Variants in ARAP3 observed in about 807,000 individuals in gnomAD.
ARAP3 encodes the protein arf-GAP with Rho-GAP domain, ANK repeat and PH domain-containing protein 3.
In ARAP3, 82 loss-of-function variants were observed where a neutral mutation model predicts 169.2. The observed-to-expected ratio is 0.48, with a 90% confidence interval of 0.41 to 0.58. ARAP3 has a LOEUF of 0.58. ARAP3 is among the 20% of genes least tolerant of loss of function. The pLI, the probability that ARAP3 is intolerant of heterozygous loss-of-function variation, is 0.00. For missense variants in ARAP3, 1,764 were observed against 2,018.0 expected (o/e 0.87, Z 2.41); for synonymous variants, 791 against 800.3 (o/e 0.99, Z 0.20).
chr5:141,680,857 G>A, intron 1 of ARAP3: 1 of 260,476 alleles, frequency 3.8e-6, no homozygotes, highest in Non-Finnish European at 7.4e-6. Flanking sequence ...CATGGGACAA[G>A]ATGCTAGAAT....
At chr5:141,660,103 T>A (rs2099909729) in intron 21 of ARAP3, among the ~76,000 whole-genome samples, 177 bp from the exon 22 acceptor site, 1 of 152,110 alleles carries the variant, frequency 6.6e-6, no homozygotes, top group Non-Finnish European at 1.5e-5. Context: ...ACTTTTTATG[T>A]AAAGGGACAG....
chr5:141,664,883 C>T, intron 19 of ARAP3, 39 bp downstream of exon 19: 2 of 462,096 alleles, frequency 4.3e-6, no homozygotes, highest in Non-Finnish European at 8.2e-6. Flanking sequence ...CCCCCACCCC[C>T]CACCCCCATT....
chr5:141,674,174 G>A (rs1461018555), intron 4 of ARAP3, among the ~76,000 whole-genome samples: 1 of 152,022 alleles, frequency 6.6e-6, no homozygotes, highest in Non-Finnish European at 1.5e-5. Flanking sequence ...TGTTGGTCAG[G>A]CTGGTCTCGA....
At position 141,672,378 on chromosome 5, in the gene ARAP3, C is replaced by T; in HGVS notation, c.1386-77G>A. ...TCCCCCTGGCTCTTCCTGCAGGAGC[C>T]ACCACAGGCCACACCTGGGGCAGCC... On this transcript the variant is annotated intron_variant, in intron 9 of 32. Transcript: ENST00000239440. The surrounding 1 kb of genome is among the most constrained non-coding windows in gnomAD (Gnocchi z 4.9). 2 of 1,576,678 alleles carry T rather than the reference C, an allele frequency of 1.3e-6. No individual in the cohort carries two copies. The highest frequency in any genetic ancestry group is 2.3e-5 in the East Asian group (1 of 44,146).
chr5:141,680,134 G>A lies in ARAP3; in HGVS notation c.353C>T (p.Pro118Leu), dbSNP rs2099912771. 1 of 1,611,056 alleles carries A rather than the reference G, an allele frequency of 6.2e-7. No homozygotes were observed. The highest frequency in any genetic ancestry group is 1.3e-5 in the African/African-American group (1 of 74,834). The change falls in exon 2 of 33, where the codon CCA becomes CTA. Residue 118 changes from proline to leucine, a missense_variant. Physicochemically the swap from Pro to Leu is moderately conservative, Grantham distance 98. This residue lies in a region of ARAP3 where 630 missense variants were observed against 678.7 expected (regional missense o/e 0.93). Transcript: ENST00000239440. Reference protein sequence around the residue: ...PATTQRPGLSPALGGPGVSRS... With the variant: ...PATTQRPGLSLALGGPGVSRS... ...GGACACTCCTGGTCCCCCGAGGGCT[G>A]GGCTCAGCCCAGGTCTCTGAGTGGT...
At chr5:141,678,033 C>T (rs746837823) in intron 4 of ARAP3, among the ~76,000 whole-genome samples, 8 of 151,886 alleles carry the variant, frequency 5.3e-5, no homozygotes, top group Admixed American at 1.3e-4. Context: ...CTGCAAGCTC[C>T]GCCTCCCGGG....
chr5:141,663,066 T>A (rs533825417), intron 19 of ARAP3, among the ~76,000 whole-genome samples: 1 of 152,314 alleles, frequency 6.6e-6, no homozygotes, highest in East Asian at 1.9e-4. Context: ...ACTAATTAAA[T>A]GTTTGCAGTG....
chr5:141,661,043 T>C (rs987802565), intron 21 of ARAP3, among the ~76,000 whole-genome samples: 16 of 151,122 alleles, frequency 1.1e-4, no homozygotes. Flanking sequence ...CTTTTTGTTC[T>C]TTTTTTTTCC....
intron 20 of ARAP3, 83 bp downstream of exon 20, chr5:141,661,960 C>T (rs1294559295): frequency 1.6e-5 from 25 of 1,569,676 alleles, no homozygotes; most frequent in African/African-American, 4.1e-5. Flanking sequence ...AGTGATGGGG[C>T]GGAGGGCTGC....
chr5:141,680,455 A>G lies in ARAP3; in HGVS notation c.32T>C (p.Val11Ala), dbSNP rs150958174. The change falls in exon 2 of 33, where the codon GTG becomes GCG. Residue 11 changes from valine to alanine, a missense_variant. Physicochemically the swap from Val to Ala is moderately conservative, Grantham distance 64 (BLOSUM62 0). This residue lies in a region of ARAP3 where 630 missense variants were observed against 678.7 expected (regional missense o/e 0.93). Coordinates refer to ENST00000239440, the MANE Select transcript of ARAP3 (RefSeq NM_022481.6). ...CTCCAGGTGCACCGTGGCCAGCCACACAGCGATGTCCAGGTCCTGAGGGGC... is the reference window on the plus strand; with the variant it reads ...CTCCAGGTGCACCGTGGCCAGCCACGCAGCGATGTCCAGGTCCTGAGGGGC... MAAPQDLDIAVWLATVHLEQY... is the reference protein window; with the variant it reads MAAPQDLDIAAWLATVHLEQY... 13 of 1,607,284 alleles carry G rather than the reference A, an allele frequency of 8.1e-6. No individual in the cohort carries two copies. The highest frequency in any genetic ancestry group is 1.6e-4 in the Middle Eastern group (1 of 6,078).
intron 29 of ARAP3, 38 bp from the exon 30 acceptor site, chr5:141,655,970 G>T (rs1275981738): frequency 6.2e-7 from 1 of 1,613,806 alleles, no homozygotes; most frequent in Non-Finnish European, 8.5e-7. Flanking sequence ...GAGAGAGAGG[G>T]TCACAGCTAT....
Position 141,679,821 on chromosome 5 carries a change from C to T in ARAP3, c.526G>A (p.Ala176Thr), listed in dbSNP as rs1291272316. 2 of 1,612,020 alleles carry T rather than the reference C, an allele frequency of 1.2e-6. No individual in the cohort carries two copies. Among genetic ancestry groups the T allele is most frequent in the South Asian group, 2.2e-5 (2 of 90,956 alleles). Residue 176 changes from alanine to threonine, a missense_variant and splice_region_variant, in exon 3 of 33, where the codon GCC becomes ACC. Coordinates refer to ENST00000239440, the MANE Select transcript of ARAP3 (RefSeq NM_022481.6). ...GCAGAGATTTGGGAGCTGTCTGGGG[C>T]CCTGAAGGGAAAGGTCTATTGGTTA... is the stretch of plus-strand genomic sequence containing the variant. Reference protein sequence around the residue: ...RGRAQAAQDKAPDSSQISAPT... With the variant: ...RGRAQAAQDKTPDSSQISAPT...
In ARAP3 at chr5:141,656,629, G is replaced by A. The variant is rs183837890; in HGVS notation, c.3664C>T (p.Arg1222Cys). 2.7e-5 allele frequency: 44 copies of A among 1,613,548 alleles called. No individual in the cohort carries two copies. In the East Asian group the frequency reaches 6.9e-4, roughly 25 times the overall value. The change falls in exon 27 of 33, where the codon CGT becomes TGT. Residue 1222 changes from arginine (R) to cysteine (C), a missense_variant. Arg to Cys is a radical substitution (Grantham distance 180). Coordinates refer to ENST00000239440, the MANE Select transcript of ARAP3 (RefSeq NM_022481.6). ...AACAGCCCCACCCGTGGGCTCTCAC[G>A]TCGGATACCTGGGCATAGATGGGCA... Reference protein sequence around the residue: ...QAGCLFTGIRRESPRVGLLRC... With the variant: ...QAGCLFTGIRCESPRVGLLRC...
chr5:141,654,391 C>T lies in ARAP3; in HGVS notation c.4194G>A (p.Leu1398=). 6.2e-7 allele frequency: 1 copy of T among 1,610,594 alleles called. No individual in the cohort carries two copies. Among genetic ancestry groups the T allele is most frequent in the South Asian group, 1.1e-5 (1 of 90,746 alleles). The change falls in exon 33 of 33, where the codon CTG becomes CTA. Residue 1398 remains leucine (L), a synonymous_variant. Coordinates refer to ENST00000239440, the MANE Select transcript of ARAP3 (RefSeq NM_022481.6). ...CTGGCTCCTCGTACACAGGCTCCTC[C>T]AGCTCCTCTTGCTCCTCCACAGACC... ...SQGSVEEQEE[L]EEPVYEEPVY...
chr5:141,661,067 C>CTTTT (rs562593165), intron 21 of ARAP3, among the ~76,000 whole-genome samples: 1 of 132,766 alleles, frequency 7.5e-6, no homozygotes, highest in Admixed American at 7.5e-5. Flanking sequence ...TTTCTTTTTT[C>CTTTT]TTTTTTTTTT....
In ARAP3 at chr5:141,679,772, G is replaced by A; in HGVS notation, c.575C>T (p.Thr192Ile). 1 of 1,614,108 alleles carries A rather than the reference G, an allele frequency of 6.2e-7. No homozygotes were observed. The highest frequency in any genetic ancestry group is 8.5e-7 in the Non-Finnish European group (1 of 1,180,010). ...GATAACCCAGTTACCTGTGCCTGTT[G>A]TGGGCCTGAGGGCAGGGGTGGGGGC... ...ISAPTPALRP[T>I]TGTVHIMDPG... Residue 192 changes from threonine (T) to isoleucine (I), a missense_variant, in exon 3 of 33, where the codon ACA becomes ATA. By Grantham distance (89) the Thr-to-Ile change is moderately conservative. Around this residue, in one of 3 missense-constraint regions of ARAP3, gnomAD observed 630 missense variants for 678.7 expected, o/e 0.93. Coordinates refer to ENST00000239440, the MANE Select transcript of ARAP3 (RefSeq NM_022481.6).
At chr5:141,667,369 C>T (rs17097438) in intron 16 of ARAP3, among the ~76,000 whole-genome samples, 24,663 of 151,700 alleles carry the variant, frequency 0.16, 2,135 homozygotes, top group Admixed American at 0.27. Context: ...CAGTAAAGGA[C>T]CAGGGTTTTT....
intron 32 of ARAP3, among the ~76,000 whole-genome samples, 197 bp from the exon 33 acceptor site, chr5:141,654,632 A>G (rs2099908958): frequency 6.6e-6 from 1 of 152,204 alleles, no homozygotes; most frequent in South Asian, 2.1e-4. Context: ...CCAGCATCAC[A>G]TAATGAGTGA....
intron 1 of ARAP3, 22 bp from the exon 2 acceptor site, chr5:141,680,525 A>G: frequency 1.3e-6 from 2 of 1,549,586 alleles, no homozygotes; most frequent in Non-Finnish European, 1.7e-6. Flanking sequence ...GGCAGGGTGA[A>G]GGGAGGGCTC....
Sources: gnomAD v4.1 joint callset for allele counts (sites outside exome capture counted in the v4.1 genomes callset) on GRCh38, gnomAD v4.1.1 for gene constraint, gnomAD v4.1.1 regional missense constraint, Gnocchi (gnomAD v3.1) non-coding constraint, MANE v1.5 for transcripts, NCBI Gene and HGNC (gene_info 2026-07-23, HGNC 2026-07-21) for gene names.